PSMA1: variants seen among roughly 807,000 people sequenced by gnomAD.
PSMA1 encodes proteasome subunit alpha type-1.
A neutral mutation model predicts 38.4 loss-of-function variants in PSMA1; 3 were observed. The ratio of observed to expected loss-of-function variants is 0.08; its 90% CI spans 0.04 to 0.20. The LOEUF (loss-of-function observed/expected upper bound fraction) is 0.20. Ranked by LOEUF, PSMA1 falls within the 10% of genes least tolerant of loss-of-function variation. PSMA1 has a pLI of 1.00. For missense variants in PSMA1, 227 were observed against 325.3 expected, an observed-to-expected ratio of 0.70 and a Z score of 2.32; for synonymous variants, 101 against 107.1, an observed-to-expected ratio of 0.94 and a Z score of 0.35.
intron 1 of PSMA1, among the ~76,000 whole-genome samples, chr11:14,636,292 T>C (rs1237030835): frequency 6.6e-6 from 1 of 152,306 alleles, no homozygotes; most frequent in East Asian, 1.9e-4. Flanking sequence ...CCGTGGTTAC[T>C]TTCCTGTCCT....
chr11:14,536,062 C>T (rs946439765), intron 2 of PSMA1, among the ~76,000 whole-genome samples: 2 of 152,144 alleles, frequency 1.3e-5, no homozygotes, highest in African/African-American at 4.8e-5. Context: ...CACTTTCAGC[C>T]ACCAATATAT....
At chr11:14,560,305 C>G (rs904044222) in intron 2 of PSMA1, among the ~76,000 whole-genome samples, 2 of 152,126 alleles carry the variant, frequency 1.3e-5, no homozygotes, top group African/African-American at 4.8e-5. Context: ...GGTAAACTTA[C>G]AAGCAGAAAG....
chr11:14,509,712 TG>T (rs771948814), intron 8 of PSMA1, among the ~76,000 whole-genome samples: 6 of 142,584 alleles, frequency 4.2e-5, no homozygotes, highest in South Asian at 2.2e-4. Flanking sequence ...ACAAACCGGT[TG>T]TTTTTTTTTT....
intron 2 of PSMA1, among the ~76,000 whole-genome samples, chr11:14,590,947 G>A (rs1354648792): frequency 6.6e-6 from 1 of 152,246 alleles, no homozygotes; most frequent in East Asian, 1.9e-4. Context: ...CGCCTCCTCT[G>A]CCTGGGCTCC....
At chr11:14,559,347 A>G (rs1851982364) in intron 2 of PSMA1, among the ~76,000 whole-genome samples, 1 of 152,198 alleles carries the variant, frequency 6.6e-6, no homozygotes, top group Non-Finnish European at 1.5e-5. Context: ...GGCAAAGGAA[A>G]GAAATAGAGA....
chr11:14,630,478 C>T (rs1016594188), intron 1 of PSMA1, among the ~76,000 whole-genome samples: 8 of 151,996 alleles, frequency 5.3e-5, no homozygotes, highest in Non-Finnish European at 7.4e-5. Context: ...TATTGATTTG[C>T]GTATATTGAA....
intron 2 of PSMA1, among the ~76,000 whole-genome samples, chr11:14,601,264 G>A (rs906637512): frequency 1.3e-5 from 2 of 152,104 alleles, no homozygotes; most frequent in African/African-American, 4.8e-5. Flanking sequence ...AACATGAGAG[G>A]AGTAGCTGAC....
At chr11:14,513,969 TCTGG>T in intron 5 of PSMA1, 82 bp from the exon 6 acceptor site, 1 of 1,423,146 alleles carries the variant, frequency 7.0e-7, no homozygotes, top group Non-Finnish European at 9.2e-7. Context: ...AACAAAGGTC[TCTGG>T]CTTATTCTTT....
intron 8 of PSMA1, among the ~76,000 whole-genome samples, chr11:14,508,682 AGAGTGACC>A (rs1338019777): frequency 6.6e-6 from 1 of 152,004 alleles, no homozygotes; most frequent in Non-Finnish European, 1.5e-5. Context: ...GCAGAGTGAC[AGAGTGACC>A]GTCAACAGAA....
At chr11:14,605,615 G>C (rs1852633930) in intron 2 of PSMA1, among the ~76,000 whole-genome samples, 1 of 152,048 alleles carries the variant, frequency 6.6e-6, no homozygotes, top group African/African-American at 2.4e-5. Context: ...TCAAACTCCT[G>C]GAATCAAGCA....
chr11:14,641,791 G>A (rs1400776798), intron 1 of PSMA1, among the ~76,000 whole-genome samples: 1 of 152,148 alleles, frequency 6.6e-6, no homozygotes, highest in Non-Finnish European at 1.5e-5. Context: ...GGTTGCTCTT[G>A]GCTCTTGCTC....
At chr11:14,564,124 T>C (rs1852041444) in intron 2 of PSMA1, among the ~76,000 whole-genome samples, 1 of 152,222 alleles carries the variant, frequency 6.6e-6, no homozygotes, top group African/African-American at 2.4e-5. Flanking sequence ...AGCATACTGA[T>C]ATTGATACAG....
intron 2 of PSMA1, among the ~76,000 whole-genome samples, chr11:14,597,828 T>C (rs1590004488): frequency 6.6e-6 from 1 of 152,174 alleles, no homozygotes; most frequent in Non-Finnish European, 1.5e-5. Context: ...CTAGTTCTTT[T>C]AATTGTGATG....
intron 2 of PSMA1, among the ~76,000 whole-genome samples, chr11:14,590,389 T>A (rs1046965177): frequency 1.3e-5 from 2 of 152,232 alleles, no homozygotes; most frequent in African/African-American, 4.8e-5. Flanking sequence ...TTTTTTTTGT[T>A]TGTTTGTTAG....
chr11:14,526,964 A>G (rs892284387), intron 2 of PSMA1, among the ~76,000 whole-genome samples: 1 of 151,994 alleles, frequency 6.6e-6, no homozygotes, highest in African/African-American at 2.4e-5. Context: ...TCGAGCCCTC[A>G]CCTTTGCAAA....
chr11:14,613,399 G>C (rs1852732997), intron 1 of PSMA1, among the ~76,000 whole-genome samples: 1 of 150,818 alleles, frequency 6.6e-6, no homozygotes, highest in Non-Finnish European at 1.5e-5. Flanking sequence ...TTACAGGTGT[G>C]CACCAACATG....
chr11:14,639,501 A>G (rs1263114616), intron 1 of PSMA1, among the ~76,000 whole-genome samples: 9 of 152,234 alleles, frequency 5.9e-5, no homozygotes, highest in Non-Finnish European at 2.9e-5. Flanking sequence ...AGTACTTGCT[A>G]TAGGCATGAA....
At chr11:14,575,082 T>A (rs1382170963) in intron 2 of PSMA1, among the ~76,000 whole-genome samples, 2 of 152,116 alleles carry the variant, frequency 1.3e-5, no homozygotes, top group South Asian at 4.1e-4. Flanking sequence ...GCTGCGGTGA[T>A]CTCAGATTGA....
intron 2 of PSMA1, among the ~76,000 whole-genome samples, chr11:14,573,978 G>C (rs1852181427): frequency 6.6e-6 from 1 of 152,178 alleles, no homozygotes; most frequent in African/African-American, 2.4e-5. Context: ...AAACATTCAA[G>C]AATTGCCCTG....
Sources: gnomAD v4.1 joint callset for allele counts (sites outside exome capture counted in the v4.1 genomes callset) on GRCh38, gnomAD v4.1.1 for gene constraint, MANE v1.5 for transcripts, NCBI Gene and HGNC (gene_info 2026-07-23, HGNC 2026-07-21) for gene names.